MYRIP: variants seen among roughly 807,000 people sequenced by gnomAD.
MYRIP encodes the protein rab effector MyRIP.
In MYRIP, 49 loss-of-function variants were observed where a neutral mutation model predicts 98.0. That is an observed-to-expected ratio of 0.50 (90% confidence interval 0.40 to 0.63). The LOEUF is 0.63. MYRIP is among the 30% of genes least tolerant of loss of function. The pLI, the probability that MYRIP is intolerant of heterozygous loss-of-function variation, is 0.00. For missense variants in MYRIP, 1,004 were observed against 1,058.2 expected (o/e 0.95, Z 0.71); for synonymous variants, 404 against 409.5 (o/e 0.99, Z 0.16).
At chr3:40,079,926 T>C (rs1376997133) in intron 3 of MYRIP, among the ~76,000 whole-genome samples, 2 of 152,256 alleles carry the variant, frequency 1.3e-5, no homozygotes, top group African/African-American at 2.4e-5. Context: ...AAACTAATTT[T>C]ACCATATTAA....
intron 11 of MYRIP, among the ~76,000 whole-genome samples, chr3:40,211,060 C>G (rs1246506098): frequency 6.6e-6 from 1 of 152,118 alleles, no homozygotes; most frequent in Non-Finnish European, 1.5e-5. Flanking sequence ...TAGAAGCAGC[C>G]CATTTTTGCA....
At chr3:40,012,998 T>C (rs1946794989) in intron 2 of MYRIP, among the ~76,000 whole-genome samples, 1 of 152,142 alleles carries the variant, frequency 6.6e-6, no homozygotes, top group South Asian at 2.1e-4. Flanking sequence ...CCAGCTCCCC[T>C]CAAGGAGTGT....
chr3:40,171,547 A>G (rs189403973), intron 8 of MYRIP, among the ~76,000 whole-genome samples: 5 of 152,340 alleles, frequency 3.3e-5, no homozygotes, highest in African/African-American at 1.2e-4. Flanking sequence ...AGAAATTCCC[A>G]CAGCACCCCA....
chr3:39,927,226 C>T (rs564847983), intron 2 of MYRIP, among the ~76,000 whole-genome samples: 23 of 151,980 alleles, frequency 1.5e-4, no homozygotes, highest in Admixed American at 7.9e-4. Context: ...ATCCTTTTGG[C>T]GGATATTTTA....
chr3:39,840,837 G>A (rs1311421165), intron 1 of MYRIP, among the ~76,000 whole-genome samples: 2 of 152,212 alleles, frequency 1.3e-5, no homozygotes, highest in African/African-American at 4.8e-5. Context: ...TCTGCTGTTA[G>A]TCTGATGAGC....
At chr3:39,825,280 A>G (rs545705273) in intron 1 of MYRIP, among the ~76,000 whole-genome samples, 87 of 152,312 alleles carry the variant, frequency 5.7e-4, no homozygotes, top group Middle Eastern at 3.4e-3. Context: ...TAGTTCTTGG[A>G]GAAAAAGCTT....
At chr3:40,085,792 T>TA (rs977817786) in intron 3 of MYRIP, among the ~76,000 whole-genome samples, 3 of 152,158 alleles carry the variant, frequency 2.0e-5, no homozygotes, top group African/African-American at 7.2e-5. Flanking sequence ...TATGGGTACA[T>TA]AAAATAGACT....
chr3:40,054,579 C>T (rs1947847556), intron 3 of MYRIP, among the ~76,000 whole-genome samples: 1 of 152,080 alleles, frequency 6.6e-6, no homozygotes, highest in Non-Finnish European at 1.5e-5. Context: ...TTATCCAATC[C>T]ACTAAAGGCC....
intron 1 of MYRIP, among the ~76,000 whole-genome samples, chr3:39,832,200 G>A (rs921905695): frequency 6.6e-6 from 1 of 152,108 alleles, no homozygotes; most frequent in African/African-American, 2.4e-5. Flanking sequence ...GGAATCTTGG[G>A]TTACAACACA....
intron 2 of MYRIP, among the ~76,000 whole-genome samples, chr3:40,008,239 T>C (rs185708851): frequency 1.7e-4 from 26 of 152,298 alleles, no homozygotes; most frequent in African/African-American, 5.5e-4. Flanking sequence ...TATGTTTATT[T>C]AATAAAGGAC....
chr3:40,112,998 A>C (rs915437712), intron 3 of MYRIP, among the ~76,000 whole-genome samples: 5 of 152,200 alleles, frequency 3.3e-5, no homozygotes, highest in Non-Finnish European at 5.9e-5. Context: ...GGTGGGACCA[A>C]TGCAGATGGA....
chr3:39,935,675 A>G (rs922613811), intron 2 of MYRIP, among the ~76,000 whole-genome samples: 3 of 152,200 alleles, frequency 2.0e-5, no homozygotes, highest in African/African-American at 7.2e-5. Flanking sequence ...TTCTGTGAGC[A>G]ATATGCTTTA....
At chr3:40,122,010 T>G (rs369088374) in intron 3 of MYRIP, among the ~76,000 whole-genome samples, 3 of 152,346 alleles carry the variant, frequency 2.0e-5, no homozygotes, top group South Asian at 2.1e-4. Flanking sequence ...ACATTATTTT[T>G]GTTTAAATAT....
chr3:39,997,282 C>A (rs973732040), intron 2 of MYRIP, among the ~76,000 whole-genome samples: 1 of 151,532 alleles, frequency 6.6e-6, no homozygotes, highest in East Asian at 1.9e-4. Context: ...TTGATAGACC[C>A]CTAGCAAGAC....
At chr3:39,993,454 A>G (rs1946230415) in intron 2 of MYRIP, among the ~76,000 whole-genome samples, 1 of 152,118 alleles carries the variant, frequency 6.6e-6, no homozygotes, top group Non-Finnish European at 1.5e-5. Context: ...ACCTCTGGCC[A>G]CCCTCAGTGC....
intron 2 of MYRIP, among the ~76,000 whole-genome samples, chr3:39,978,647 G>A (rs1435118883): frequency 1.3e-5 from 2 of 152,162 alleles, no homozygotes; most frequent in East Asian, 1.9e-4. Context: ...GTGCTGATTG[G>A]GAACAAGACT....
At chr3:40,009,827 C>A (rs1286370836) in intron 2 of MYRIP, among the ~76,000 whole-genome samples, 1 of 152,218 alleles carries the variant, frequency 6.6e-6, no homozygotes, top group Non-Finnish European at 1.5e-5. Flanking sequence ...TACTTTATTT[C>A]CACTGCCTCC....
intron 1 of MYRIP, among the ~76,000 whole-genome samples, chr3:39,875,833 G>C (rs1258869607): frequency 6.6e-6 from 1 of 151,964 alleles, no homozygotes; most frequent in East Asian, 1.9e-4. Flanking sequence ...TTGGGGTGGA[G>C]AGTTCTGTAG....
rs11915980 is a variant in MYRIP at position 40,053,130 on chromosome 3, C to G, written c.332+8859C>G. On this transcript the variant is annotated intron_variant, in intron 3 of 16. Coordinates refer to ENST00000302541, the MANE Select transcript of MYRIP (RefSeq NM_015460.4). ...AGAAATGTAGGACTTGCTCCCTTCT[C>G]TCTTCCCCATTCCAAAATCCTCTCC... Among the ~76,000 whole-genome samples the G allele has an allele frequency of 7.3e-3, 1,117 of 152,276 alleles. 21 individuals are homozygous for G. Among genetic ancestry groups the G allele is most frequent in the African/African-American group, 0.026 (1,061 of 41,556 alleles).
Sources: allele counts gnomAD v4.1 joint callset (sites outside exome capture counted in the v4.1 genomes callset), GRCh38; gene constraint gnomAD v4.1.1; transcripts MANE v1.5; gene names NCBI Gene and HGNC (gene_info 2026-07-23, HGNC 2026-07-21).